LONRF1: variants seen among roughly 807,000 people sequenced by gnomAD.
LONRF1 encodes the protein LON peptidase N-terminal domain and ring finger 1, also known as LON peptidase N-terminal domain and RING finger protein 1.
LONRF1 carries 37 observed loss-of-function variants against 85.8 expected under a neutral mutation model. The ratio of observed to expected loss-of-function variants is 0.43; its 90% confidence interval spans 0.33 to 0.57. The LOEUF is 0.57. LONRF1 is among the 20% of genes least tolerant of loss of function. The pLI, the probability that LONRF1 is intolerant of heterozygous loss-of-function variation, is 0.04. For missense variants in LONRF1, 1,036 were observed against 978.0 expected, an observed-to-expected ratio of 1.06 and a Z score of -0.79; for synonymous variants, 517 against 390.1, an observed-to-expected ratio of 1.33 and a Z score of -3.83.
intron 2 of LONRF1, among the ~76,000 whole-genome samples, chr8:12,742,940 G>C (rs956308738): frequency 1.3e-5 from 2 of 151,998 alleles, no homozygotes; most frequent in Non-Finnish European, 2.9e-5. Context: ...TGCCCAAGCT[G>C]GTCTCAAACT....
In LONRF1 at chr8:12,755,450, C is replaced by T. The variant is rs1167780729; in HGVS notation, c.-30G>A. ...CGCGGAGGGCTGCGCCGCCGCCGCC[C>T]GCCGCCACGGTCCCGGAGCCTCCCG... is the stretch of plus-strand genomic sequence containing the variant. On this transcript the variant is annotated 5_prime_UTR_variant, in exon 1 of 12. Transcript: ENST00000398246. The T allele has an allele frequency of 9.1e-7, 1 of 1,102,218 alleles. No homozygotes were observed. The highest frequency in any genetic ancestry group is 1.1e-6 in the Non-Finnish European group (1 of 903,294). 68.3% of individuals were successfully genotyped at this position (1,102,218 alleles called of 1,614,324 possible). A position where few individuals can be genotyped will look rare whatever the true frequency, so the allele number is the denominator to read the frequency against.
At chr8:12,739,680 T>C (rs767167756) in intron 3 of LONRF1, among the ~76,000 whole-genome samples, 1 of 152,200 alleles carries the variant, frequency 6.6e-6, no homozygotes, top group Non-Finnish European at 1.5e-5. Context: ...TAAAGCATTA[T>C]TTGTTTTGCA....
chr8:12,726,628 A>G (rs1179903343), intron 10 of LONRF1, among the ~76,000 whole-genome samples: 1 of 152,214 alleles, frequency 6.6e-6, no homozygotes, highest in Non-Finnish European at 1.5e-5. Context: ...TAACTCATCC[A>G]TCTTATACTG....
intron 3 of LONRF1, among the ~76,000 whole-genome samples, chr8:12,740,374 C>T (rs1386948872): frequency 6.6e-6 from 1 of 152,156 alleles, no homozygotes; most frequent in Non-Finnish European, 1.5e-5. Flanking sequence ...AGACAGCTCC[C>T]TTCCTTCCCC....
Position 12,755,511 on chromosome 8 carries a change from G to A in LONRF1, c.-91C>T. The A allele has an allele frequency of 1.2e-5, 7 of 598,964 alleles. No individual in the cohort carries two copies. Among genetic ancestry groups the A allele is most frequent in the Non-Finnish European group, 1.5e-5 (7 of 477,926 alleles). The allele number at this position is 598,964 out of a possible 1,614,324, so 37.1% of individuals were successfully genotyped here. ...TCCGCACGCGGCCCGCGAGCAGGGG[G>A]GCGTGGCGCGCGGACACGGCGGGGC... On this transcript the variant is annotated 5_prime_UTR_variant, in exon 1 of 12. Transcript: ENST00000398246.
rs115287921 is a variant in LONRF1, at chr8:12,732,408, C to T, written c.1567-551G>A. Among the ~76,000 whole-genome samples the T allele has an allele frequency of 1.0e-2, 1,517 of 152,228 alleles. 12 individuals carry two copies. The highest frequency in any genetic ancestry group is 0.028 in the African/African-American group (1,157 of 41,536). On this transcript the variant is annotated intron_variant, in intron 7 of 11. Transcript: ENST00000398246. Reference sequence around the variant, plus strand: ...GTCCTTGAGTGACCCAAGGAAGGTGCGTTTCTTGGGACACTATCACTCAGA... The same window carrying T: ...GTCCTTGAGTGACCCAAGGAAGGTGTGTTTCTTGGGACACTATCACTCAGA...
At chr8:12,725,681 G>A in intron 11 of LONRF1, 46 bp downstream of exon 11, 1 of 1,576,472 alleles carries the variant, frequency 6.3e-7, no homozygotes, top group Non-Finnish European at 8.6e-7. Flanking sequence ...TGCAAATTTG[G>A]GTTTATAAAA....
Position 12,722,360 on chromosome 8 carries a change from A to T in LONRF1, c.*736T>A, listed in dbSNP as rs1805925135. ...TTATGTACAATTAAATGTAAACCAT[A>T]TTTTCACAGTTTTGAGTGTTTTATG... is the stretch of plus-strand genomic sequence containing the variant. On this transcript the variant is annotated 3_prime_UTR_variant, in exon 12 of 12. Coordinates refer to ENST00000398246, the MANE Select transcript of LONRF1 (RefSeq NM_152271.5). 6.5e-6 allele frequency: 1 copy of T among 152,708 alleles called. No homozygotes were observed. The highest frequency in any genetic ancestry group is 2.4e-5 in the African/African-American group (1 of 41,544). The allele number at this position is 152,708 out of a possible 1,614,324, so 9.5% of individuals were successfully genotyped here. A position where few individuals can be genotyped will look rare whatever the true frequency, so the allele number is the denominator to read the frequency against.
intron 1 of LONRF1, among the ~76,000 whole-genome samples, chr8:12,750,477 G>C (rs114345266): frequency 0.01 from 1,527 of 152,216 alleles, 24 homozygotes; most frequent in African/African-American, 0.035. Context: ...TGATAAAATA[G>C]AACAATATAA....
intron 10 of LONRF1, among the ~76,000 whole-genome samples, chr8:12,726,625 T>A (rs914052264): frequency 6.6e-5 from 10 of 152,212 alleles, no homozygotes; most frequent in African/African-American, 2.4e-4. Context: ...GTTTAACTCA[T>A]CCATCTTATA....
Position 12,741,874 on chromosome 8 carries a change from AG to A in LONRF1, c.841-879del, listed in dbSNP as rs1225626088. 1.7e-4 allele frequency among the ~76,000 whole-genome samples: 26 copies of A among 149,028 alleles called. 1 individual carries two copies. Among genetic ancestry groups the A allele is most frequent in the Non-Finnish European group, 1.0e-4 (7 of 67,488 alleles). On this transcript the variant is annotated intron_variant, in intron 2 of 11. Coordinates refer to ENST00000398246, the MANE Select transcript of LONRF1 (RefSeq NM_152271.5). ...CAGCAAACTCTATGACAAAAATTAG[AG>A]TCCTACTAATTATCACTGATAAACC...
At chr8:12,726,611 C>T (rs1430280982) in intron 10 of LONRF1, among the ~76,000 whole-genome samples, 35 of 152,200 alleles carry the variant, frequency 2.3e-4, no homozygotes. Flanking sequence ...GTGGGAAGAT[C>T]TAAGTTTAAC....
At chr8:12,752,144 G>A (rs987105007) in intron 1 of LONRF1, among the ~76,000 whole-genome samples, 1 of 152,054 alleles carries the variant, frequency 6.6e-6, no homozygotes, top group African/African-American at 2.4e-5. Flanking sequence ...AGAATTATAC[G>A]AAGAAATTAT....
chr8:12,739,809 A>G (rs1186437830), intron 3 of LONRF1, among the ~76,000 whole-genome samples: 1 of 152,222 alleles, frequency 6.6e-6, no homozygotes, highest in Non-Finnish European at 1.5e-5. Context: ...TACCAAGAAG[A>G]TAACACTAAC....
At chr8:12,743,093 A>C in intron 2 of LONRF1, 71 bp downstream of exon 2, 1 of 956,042 alleles carries the variant, frequency 1.0e-6, no homozygotes. Flanking sequence ...AAAATTCCTA[A>C]CTGTGAATGA....
At chr8:12,740,598 T>G (rs1798893238) in intron 3 of LONRF1, among the ~76,000 whole-genome samples, 1 of 152,154 alleles carries the variant, frequency 6.6e-6, no homozygotes, top group African/African-American at 2.4e-5. Flanking sequence ...TAGTAATGCT[T>G]AATTAAGGAC....
intron 1 of LONRF1, 49 bp from the exon 2 acceptor site, chr8:12,743,331 C>A (rs1449581038): frequency 3.7e-6 from 4 of 1,081,640 alleles, no homozygotes; most frequent in Admixed American, 1.9e-5. Flanking sequence ...AAGATTATTA[C>A]ATAATCTACA....
intron 1 of LONRF1, among the ~76,000 whole-genome samples, chr8:12,751,206 C>T (rs1799372287): frequency 6.6e-6 from 1 of 151,540 alleles, no homozygotes; most frequent in Non-Finnish European, 1.5e-5. Context: ...TTACAGTACT[C>T]CATAGAATTC....
chr8:12,748,491 T>C (rs1799254379), intron 1 of LONRF1, among the ~76,000 whole-genome samples: 1 of 152,236 alleles, frequency 6.6e-6, no homozygotes, highest in Non-Finnish European at 1.5e-5. Flanking sequence ...GCCACCATGC[T>C]GGGCCTAGAA....
Sources: gnomAD v4.1 joint callset for allele counts (sites outside exome capture counted in the v4.1 genomes callset) on GRCh38, gnomAD v4.1.1 for gene constraint, MANE v1.5 for transcripts, NCBI Gene and HGNC (gene_info 2026-07-23, HGNC 2026-07-21) for gene names.